PCDH11X: variants seen among roughly 807,000 people sequenced by gnomAD.
The protein encoded by PCDH11X is protocadherin-11 X-linked.
PCDH11X carries 18 observed loss-of-function variants against 53.3 expected under a neutral mutation model. The observed-to-expected ratio is 0.34, with a 90% confidence interval of 0.23 to 0.50. The LOEUF (loss-of-function observed/expected upper bound fraction) is 0.50. PCDH11X is among the 20% of genes least tolerant of loss of function. The pLI is 0.98. For missense variants in PCDH11X, 570 were observed against 1,032.4 expected (o/e 0.55, Z 6.14); for synonymous variants, 279 against 393.3 (o/e 0.71, Z 3.44).
chrX:92,191,534 G>T (rs1372532747), intron 6 of PCDH11X, among the ~76,000 whole-genome samples: 5 of 111,679 alleles, frequency 4.5e-5, no homozygotes, highest in Non-Finnish European at 9.4e-5. Flanking sequence ...CTTACAAAAA[G>T]AAATTAAATT....
At chrX:91,861,978 G>A (rs916201201) in intron 5 of PCDH11X, among the ~76,000 whole-genome samples, 4 of 110,661 alleles carry the variant, frequency 3.6e-5, no homozygotes, top group East Asian at 2.8e-4. Flanking sequence ...GTTCTTCTTG[G>A]TGAGAGCTGC....
At chrX:91,997,252 G>A (rs987594581) in intron 6 of PCDH11X, among the ~76,000 whole-genome samples, 4 of 109,477 alleles carry the variant, frequency 3.7e-5, no homozygotes, top group African/African-American at 1.3e-4. Flanking sequence ...CTAGTACTAT[G>A]TTGAATAGAA....
In PCDH11X at chrX:92,251,120, C is replaced by T. The variant is rs192946595; in HGVS notation, c.3115-11994C>T. ...TAATTAATTTTTTTAATGCACTTTACGAATATTCTGAAGCAGGAACCCTTA... is the reference window on the plus strand; with the variant it reads ...TAATTAATTTTTTTAATGCACTTTATGAATATTCTGAAGCAGGAACCCTTA... On this transcript the variant is annotated intron_variant, in intron 7 of 10. Transcript: ENST00000682573. Among the ~76,000 whole-genome samples the T allele has an allele frequency of 3.0e-3, 334 of 110,413 alleles. 4 individuals are homozygous for T. The highest frequency in any genetic ancestry group is 0.023 in the Middle Eastern group (5 of 213).
intron 6 of PCDH11X, among the ~76,000 whole-genome samples, chrX:92,112,207 G>A (rs5984885): frequency 0.38 from 40,952 of 107,842 alleles, 8,007 homozygotes; most frequent in East Asian, 0.87. Context: ...ACAACTGTGT[G>A]TGATCAGAAC....
intron 6 of PCDH11X, among the ~76,000 whole-genome samples, chrX:91,951,327 T>G (rs1345756436): frequency 9.0e-6 from 1 of 110,571 alleles, no homozygotes; most frequent in Non-Finnish European, 1.9e-5. Flanking sequence ...AGAATTTATG[T>G]GGACTTCATT....
intron 6 of PCDH11X, among the ~76,000 whole-genome samples, chrX:92,198,636 T>A (rs764759450): frequency 8.1e-5 from 9 of 110,756 alleles, no homozygotes; most frequent in African/African-American, 2.9e-4. Context: ...AAGCCTATTT[T>A]TGCAAAGCAG....
In PCDH11X at chrX:92,104,337, C is replaced by G. The variant is rs894073904; in HGVS notation, c.3034-97038C>G. On this transcript the variant is annotated intron_variant, in intron 6 of 10. Coordinates refer to ENST00000682573, the MANE Select transcript of PCDH11X (RefSeq NM_032968.5). ...GAAAAGGAAGATTAGAAAGACTCAGCGACACTTGGGGTTGGTACTGAGGGG... is the reference window on the plus strand; with the variant it reads ...GAAAAGGAAGATTAGAAAGACTCAGGGACACTTGGGGTTGGTACTGAGGGG... Among the ~76,000 whole-genome samples the G allele has an allele frequency of 7.3e-5, 8 of 109,780 alleles. 1 individual carries two copies. Among genetic ancestry groups the G allele is most frequent in the South Asian group, 4.0e-4 (1 of 2,495 alleles).
intron 7 of PCDH11X, among the ~76,000 whole-genome samples, chrX:92,213,670 T>C (rs774272609): frequency 2.7e-5 from 3 of 111,565 alleles, no homozygotes; most frequent in Non-Finnish European, 5.6e-5. Context: ...GATAAAAGGC[T>C]TATGAGCTCC....
chrX:92,324,104 C>G (rs1360091782), intron 8 of PCDH11X, among the ~76,000 whole-genome samples: 4 of 104,410 alleles, frequency 3.8e-5, no homozygotes, highest in African/African-American at 1.4e-4. Context: ...TAGGGAGAGA[C>G]TCTCTTGGCT....
chrX:92,495,095 G>A (rs2073836932), intron 10 of PCDH11X, among the ~76,000 whole-genome samples: 1 of 104,682 alleles, frequency 9.6e-6, no homozygotes, highest in Non-Finnish European at 2.0e-5. Context: ...TTAATAGTGA[G>A]GTTCCTTGAA....
chrX:92,018,390 T>C (rs1010645284), intron 6 of PCDH11X, among the ~76,000 whole-genome samples: 1 of 112,328 alleles, frequency 8.9e-6, no homozygotes, highest in South Asian at 3.7e-4. Flanking sequence ...TAGAGCATTT[T>C]TTAATGGTAA....
At position 92,555,046 on chromosome X, in the gene PCDH11X, C is replaced by T. The variant is rs111739453; in HGVS notation, c.3368-63218C>T. ...TCAGAGCCTGAGTAGCAGGGTTTCG[C>T]GACGTATATTTTTGTTTCTGCAATG... On this transcript the variant is annotated intron_variant, in intron 10 of 10. Coordinates refer to ENST00000682573, the MANE Select transcript of PCDH11X (RefSeq NM_032968.5). 3.2e-3 allele frequency among the ~76,000 whole-genome samples: 361 copies of T among 111,599 alleles called. 3 individuals carry two copies. The highest frequency in any genetic ancestry group is 5.4e-3 in the Admixed American group (56 of 10,446).
intron 7 of PCDH11X, among the ~76,000 whole-genome samples, chrX:92,239,737 T>C (rs2067231645): frequency 9.0e-6 from 1 of 111,327 alleles, no homozygotes; most frequent in South Asian, 3.8e-4. Flanking sequence ...GTGTATACCA[T>C]AGTTATTTAT....
chrX:92,418,139 C>T (rs1287990835), intron 9 of PCDH11X, among the ~76,000 whole-genome samples: 2 of 104,798 alleles, frequency 1.9e-5, no homozygotes, highest in Non-Finnish European at 3.9e-5. Flanking sequence ...ACTAGTTATT[C>T]TATTTTTTTA....
chrX:92,493,867 A>T (rs6615406), intron 10 of PCDH11X, among the ~76,000 whole-genome samples: 1 of 106,667 alleles, frequency 9.4e-6, no homozygotes, highest in Non-Finnish European at 1.9e-5. Flanking sequence ...GGCTGGTCTC[A>T]AACTCCTGAG....
At chrX:92,438,188 A>G (rs2072431442) in intron 9 of PCDH11X, among the ~76,000 whole-genome samples, 1 of 111,921 alleles carries the variant, frequency 8.9e-6, no homozygotes, top group South Asian at 3.7e-4. Flanking sequence ...CTCTAATGAC[A>G]AAAGTACCAG....
At chrX:91,901,475 CA>C (rs1330163827) in intron 6 of PCDH11X, among the ~76,000 whole-genome samples, 1 of 111,722 alleles carries the variant, frequency 9.0e-6, no homozygotes, top group Non-Finnish European at 1.9e-5. Flanking sequence ...GGTAGTTTAT[CA>C]ACTCATAAGA....
chrX:91,795,672 T>C (rs895320011), intron 1 of PCDH11X, among the ~76,000 whole-genome samples: 19 of 111,127 alleles, frequency 1.7e-4, no homozygotes, highest in Middle Eastern at 4.7e-3. Flanking sequence ...GTCTCCTACA[T>C]GAGGTTTTAT....
intron 7 of PCDH11X, among the ~76,000 whole-genome samples, chrX:92,251,726 G>A (rs779729197): frequency 2.5e-4 from 28 of 110,822 alleles, no homozygotes; most frequent in Non-Finnish European, 4.9e-4. Flanking sequence ...TGGCAGTGAC[G>A]ACTGTAGTAT....
Sources: allele counts gnomAD v4.1 joint callset (sites outside exome capture counted in the v4.1 genomes callset), GRCh38; gene constraint gnomAD v4.1.1; transcripts MANE v1.5; gene names NCBI Gene and HGNC (gene_info 2026-07-23, HGNC 2026-07-21).